The following ARHGEF28 variants were observed in gnomAD, a reference collection of about 807,000 sequenced individuals.
ARHGEF28 encodes the protein Rho guanine nucleotide exchange factor 28, also known as 190 kDa guanine nucleotide exchange factor.
In ARHGEF28, 152 loss-of-function variants were observed where a neutral mutation model predicts 206.6. The ratio of observed to expected loss-of-function variants is 0.74; its 90% CI spans 0.64 to 0.84. ARHGEF28 has a LOEUF of 0.84. Ranked by LOEUF, ARHGEF28 falls within the 40% of genes least tolerant of loss-of-function variation. The pLI is 0.00. For synonymous variants in ARHGEF28, 763 were observed against 776.4 expected (o/e 0.98, Z 0.29); for missense variants, 2,028 against 2,073.2 (o/e 0.98, Z 0.42).
At chr5:73,703,230 A>G (rs530299881) in intron 2 of ARHGEF28, among the ~76,000 whole-genome samples, 4 of 152,352 alleles carry the variant, frequency 2.6e-5, no homozygotes, top group Admixed American at 2.6e-4. Context: ...CCTGAATGGT[A>G]CTGAAGACAA....
intron 2 of ARHGEF28, among the ~76,000 whole-genome samples, chr5:73,704,855 G>A (rs774667865): frequency 9.2e-5 from 14 of 152,156 alleles, no homozygotes; most frequent in East Asian, 1.9e-4. Flanking sequence ...TGGCCACCAC[G>A]GTGTCATCAC....
At chr5:73,880,271 C>A (rs1450343376) in intron 22 of ARHGEF28, among the ~76,000 whole-genome samples, 1 of 152,194 alleles carries the variant, frequency 6.6e-6, no homozygotes, top group Non-Finnish European at 1.5e-5. Flanking sequence ...GTTTCCTAAG[C>A]CCGTCGGAAA....
At chr5:73,774,151 A>T (rs1753407965) in intron 5 of ARHGEF28, 113 bp downstream of exon 5, 2 of 931,640 alleles carry the variant, frequency 2.1e-6, no homozygotes, top group Non-Finnish European at 3.1e-6. Context: ...TTTTACTGTT[A>T]GCTCTCATGC....
chr5:73,868,480 T>C (rs1759858209), intron 20 of ARHGEF28, among the ~76,000 whole-genome samples: 1 of 152,158 alleles, frequency 6.6e-6, no homozygotes, highest in Admixed American at 6.5e-5. Context: ...GTCACAAGCA[T>C]AACGAAGAGA....
chr5:73,668,825 A>G (rs553213964), intron 1 of ARHGEF28, among the ~76,000 whole-genome samples: 1 of 152,138 alleles, frequency 6.6e-6, no homozygotes, highest in African/African-American at 2.4e-5. Flanking sequence ...TACTCTTTCT[A>G]CCTCCACTTT....
chr5:73,820,715 T>A (rs1756529243), intron 9 of ARHGEF28, among the ~76,000 whole-genome samples: 1 of 152,300 alleles, frequency 6.6e-6, no homozygotes, highest in East Asian at 1.9e-4. Flanking sequence ...CTTCGCACTA[T>A]GGTGGGCTTC....
At chr5:73,826,507 A>G (rs918281347) in intron 9 of ARHGEF28, among the ~76,000 whole-genome samples, 2 of 152,198 alleles carry the variant, frequency 1.3e-5, no homozygotes, top group African/African-American at 4.8e-5. Context: ...AAACTGCCTT[A>G]GCTGGGTTTG....
intron 2 of ARHGEF28, among the ~76,000 whole-genome samples, chr5:73,702,309 A>G (rs1201110967): frequency 6.6e-6 from 1 of 152,196 alleles, no homozygotes; most frequent in Non-Finnish European, 1.5e-5. Context: ...CTTTAAGTGT[A>G]TAGTTTTGGT....
chr5:73,854,158 T>C (rs1396763685), intron 14 of ARHGEF28, among the ~76,000 whole-genome samples: 1 of 152,186 alleles, frequency 6.6e-6, no homozygotes, highest in Non-Finnish European at 1.5e-5. Flanking sequence ...ACTCTATTCC[T>C]GCTATCTTAT....
intron 1 of ARHGEF28, among the ~76,000 whole-genome samples, chr5:73,627,928 C>CT (rs1166740052): frequency 1.3e-5 from 2 of 151,868 alleles, no homozygotes; most frequent in Non-Finnish European, 2.9e-5. Context: ...ATCTGGCCAA[C>CT]TAAGAACAGG....
At chr5:73,919,996 T>A (rs1321851861) in intron 35 of ARHGEF28, among the ~76,000 whole-genome samples, 1 of 152,172 alleles carries the variant, frequency 6.6e-6, no homozygotes, top group East Asian at 1.9e-4. Flanking sequence ...TGATATATGA[T>A]GAAGATTTGA....
At chr5:73,775,530 C>T (rs546725024) in intron 5 of ARHGEF28, among the ~76,000 whole-genome samples, 32 of 152,246 alleles carry the variant, frequency 2.1e-4, no homozygotes, top group African/African-American at 7.7e-4. Flanking sequence ...TTAAGGATCT[C>T]TTTTTGTCAC....
chr5:73,889,007 C>T (rs1037094772), intron 26 of ARHGEF28, among the ~76,000 whole-genome samples: 3 of 152,186 alleles, frequency 2.0e-5, no homozygotes, highest in African/African-American at 7.2e-5. Flanking sequence ...GAGAAAGCAT[C>T]ATTTTATCCT....
chr5:73,796,378 C>T (rs1011505582), intron 9 of ARHGEF28, among the ~76,000 whole-genome samples: 2 of 152,178 alleles, frequency 1.3e-5, no homozygotes, highest in Non-Finnish European at 2.9e-5. Flanking sequence ...ACTGAGGGCT[C>T]AAGCTGATGT....
At chr5:73,706,781 G>A in intron 2 of ARHGEF28, among the ~76,000 whole-genome samples, 1 of 152,180 alleles carries the variant, frequency 6.6e-6, no homozygotes, top group South Asian at 2.1e-4. Flanking sequence ...GATGCTGCCA[G>A]CGGGGCAAAC....
chr5:73,867,610 CTTGT>C (rs963251970), intron 18 of ARHGEF28, among the ~76,000 whole-genome samples: 12 of 152,282 alleles, frequency 7.9e-5, no homozygotes, highest in Non-Finnish European at 1.2e-4. Flanking sequence ...ATTCCATTGT[CTTGT>C]TTGTTTGTGC....
intron 7 of ARHGEF28, among the ~76,000 whole-genome samples, chr5:73,790,207 T>A (rs996768869): frequency 2.0e-5 from 3 of 151,966 alleles, no homozygotes; most frequent in Non-Finnish European, 4.4e-5. Context: ...AAGCCTTTTT[T>A]GGAGAGGTGC....
intron 2 of ARHGEF28, among the ~76,000 whole-genome samples, chr5:73,693,651 G>A (rs1747990203): frequency 6.6e-6 from 1 of 152,172 alleles, no homozygotes; most frequent in Admixed American, 6.5e-5. Flanking sequence ...GTGCAAATTT[G>A]TTTTTAGCGA....
At chr5:73,736,539 T>C (rs1750948118) in intron 2 of ARHGEF28, among the ~76,000 whole-genome samples, 1 of 152,238 alleles carries the variant, frequency 6.6e-6, no homozygotes, top group African/African-American at 2.4e-5. Flanking sequence ...AAATGCACAG[T>C]ACTGTTAATT....
Sources: gnomAD v4.1 joint callset for allele counts (sites outside exome capture counted in the v4.1 genomes callset) on GRCh38, gnomAD v4.1.1 for gene constraint, MANE v1.5 for transcripts, NCBI Gene and HGNC (gene_info 2026-07-23, HGNC 2026-07-21) for gene names.